The following UNC13C variants were observed in gnomAD, a reference collection of about 807,000 sequenced individuals.
UNC13C encodes the protein protein unc-13 homolog C.
In UNC13C, 174 loss-of-function variants were observed where a neutral mutation model predicts 245.4. That is an observed-to-expected ratio of 0.71 (90% CI 0.63 to 0.80). UNC13C has a LOEUF of 0.80. UNC13C is among the 30% of genes least tolerant of loss of function. The probability of loss-of-function intolerance (pLI) is 0.00; values close to 1 mark genes in which losing one functional copy is unlikely to be tolerated. For missense variants in UNC13C, 2,829 were observed against 2,602.9 expected, an observed-to-expected ratio of 1.09 and a Z score of -1.89; for synonymous variants, 992 against 895.1, an observed-to-expected ratio of 1.11 and a Z score of -1.93.
chr15:54,264,093 C>T (rs2036493153), intron 8 of UNC13C, 75 bp from the exon 9 acceptor site: 1 of 1,435,702 alleles, frequency 7.0e-7, no homozygotes, highest in Admixed American at 2.0e-5. Flanking sequence ...ACTTCCTCCT[C>T]CTTTTCCTCC....
At position 54,217,246 on chromosome 15, in the gene UNC13C, G is replaced by A. The variant is rs2035069695; in HGVS notation, c.3072-17784G>A. On this transcript the variant is annotated intron_variant, in intron 4 of 32. Coordinates refer to ENST00000260323, the MANE Select transcript of UNC13C (RefSeq NM_001080534.3). ...GTCATCTGTGAGACTCTTGTCTGAT[G>A]TGAAATTAAATAACTGGGACTAGGA... Among the ~76,000 whole-genome samples, 3 of 151,910 alleles carry A rather than the reference G, an allele frequency of 2.0e-5. No individual in the cohort carries two copies. In the South Asian group the frequency reaches 6.2e-4, roughly 32 times the overall value.
chr15:54,163,009 C>T (rs1192562955), intron 4 of UNC13C, among the ~76,000 whole-genome samples: 1 of 152,160 alleles, frequency 6.6e-6, no homozygotes, highest in African/African-American at 2.4e-5. Context: ...TTCTGTCTCA[C>T]TCCTTGTGGT....
At chr15:54,480,957 A>G (rs1567313927) in intron 19 of UNC13C, among the ~76,000 whole-genome samples, 1 of 152,198 alleles carries the variant, frequency 6.6e-6, no homozygotes, top group African/African-American at 2.4e-5. Flanking sequence ...TCAGGGATCT[A>G]TAGATGCACT....
intron 19 of UNC13C, among the ~76,000 whole-genome samples, chr15:54,446,567 G>A (rs1312596336): frequency 1.3e-5 from 2 of 152,162 alleles, no homozygotes; most frequent in African/African-American, 2.4e-5. Context: ...TTGTGAATGG[G>A]AGTTCACTCA....
chr15:54,333,468 A>C (rs79883427), intron 15 of UNC13C, among the ~76,000 whole-genome samples: 110 of 152,194 alleles, frequency 7.2e-4, no homozygotes, highest in African/African-American at 2.4e-3. Flanking sequence ...TAGCAAGACT[A>C]TTTTAGAAGC....
In UNC13C at chr15:54,250,347, C is replaced by G. The variant is rs2036112482; in HGVS notation, c.3351C>G (p.Leu1117=). Residue 1117 remains leucine, a synonymous_variant, in exon 8 of 33, where the codon CTC becomes CTG. Coordinates refer to ENST00000260323, the MANE Select transcript of UNC13C (RefSeq NM_001080534.3). ...TPTYCYECEG[L]LWGIARQGMK... ...CCTACTGTTATGAGTGTGAAGGGCT[C>G]CTGTGGGGCATTGCAAGGCAAGGCA... The G allele has an allele frequency of 1.2e-6, 2 of 1,613,706 alleles. No homozygotes were observed. Among genetic ancestry groups the G allele is most frequent in the African/African-American group, 2.7e-5 (2 of 74,870 alleles).
At chr15:54,101,460 T>C (rs970201887) in intron 2 of UNC13C, among the ~76,000 whole-genome samples, 1 of 152,244 alleles carries the variant, frequency 6.6e-6, no homozygotes, top group African/African-American at 2.4e-5. Flanking sequence ...GAAAAGAACC[T>C]AGTTTTTTAC....
chr15:54,343,450 A>T (rs2038785063), intron 17 of UNC13C, among the ~76,000 whole-genome samples: 1 of 152,138 alleles, frequency 6.6e-6, no homozygotes, highest in African/African-American at 2.4e-5. Context: ...TAACTTTATA[A>T]TCAATCTTAC....
chr15:54,150,384 T>C (rs542310696), intron 4 of UNC13C, among the ~76,000 whole-genome samples: 1 of 152,358 alleles, frequency 6.6e-6, no homozygotes, highest in South Asian at 2.1e-4. Flanking sequence ...GTACGCCTAA[T>C]CACAGACTCT....
chr15:53,889,450 G>C, the UNC13C span, among the ~76,000 whole-genome samples: 2 of 152,170 alleles, frequency 1.3e-5, no homozygotes, highest in Admixed American at 1.3e-4. Context: ...AGGAGATTTT[G>C]AGCTGAGACA....
intron 2 of UNC13C, among the ~76,000 whole-genome samples, chr15:54,079,824 T>G: frequency 6.6e-6 from 1 of 152,080 alleles, no homozygotes; most frequent in East Asian, 1.9e-4. Flanking sequence ...TTAATTATTC[T>G]GGCTAGGACT....
At chr15:54,180,333 T>C (rs1223901831) in intron 4 of UNC13C, among the ~76,000 whole-genome samples, 1 of 152,072 alleles carries the variant, frequency 6.6e-6, no homozygotes, top group Non-Finnish European at 1.5e-5. Flanking sequence ...AAGGACATGA[T>C]TTCATTCTTT....
intron 2 of UNC13C, among the ~76,000 whole-genome samples, chr15:54,130,583 C>T (rs1349002744): frequency 1.2e-4 from 18 of 152,064 alleles, no homozygotes; most frequent in Admixed American, 1.2e-3. Context: ...TGAGCCACTG[C>T]GCCCAGCCCA....
At chr15:54,357,604 C>T (rs1380781673) in intron 17 of UNC13C, among the ~76,000 whole-genome samples, 6 of 151,914 alleles carry the variant, frequency 3.9e-5, no homozygotes, top group Admixed American at 6.6e-5. Context: ...TCAGCATATG[C>T]GTATATTAAA....
intron 29 of UNC13C, among the ~76,000 whole-genome samples, chr15:54,559,903 C>G (rs868616092): frequency 6.6e-6 from 1 of 151,856 alleles, no homozygotes; most frequent in Non-Finnish European, 1.5e-5. Flanking sequence ...CAGCATGCTG[C>G]GGCTTAAACA....
chr15:54,509,039 A>C (rs998574207), intron 23 of UNC13C, among the ~76,000 whole-genome samples: 1 of 152,166 alleles, frequency 6.6e-6, no homozygotes, highest in Non-Finnish European at 1.5e-5. Context: ...GTCTCTACTA[A>C]AAATATAAAA....
intron 19 of UNC13C, among the ~76,000 whole-genome samples, chr15:54,419,779 T>C (rs773384759): frequency 5.9e-5 from 9 of 152,252 alleles, no homozygotes; most frequent in Non-Finnish European, 1.2e-4. Flanking sequence ...CTGAGCTTTC[T>C]CACATTTTTT....
intron 2 of UNC13C, among the ~76,000 whole-genome samples, chr15:54,081,151 G>A (rs1898917068): frequency 6.6e-6 from 1 of 151,940 alleles, no homozygotes; most frequent in South Asian, 2.1e-4. Flanking sequence ...TTTAAATTTT[G>A]TTTTGTGGTC....
chr15:54,567,320 G>A (rs1272434726), intron 29 of UNC13C, among the ~76,000 whole-genome samples: 1 of 152,158 alleles, frequency 6.6e-6, no homozygotes, highest in African/African-American at 2.4e-5. Flanking sequence ...ACCACTGTGT[G>A]ATTAGAGGAT....
Sources: gnomAD v4.1 joint callset for allele counts (sites outside exome capture counted in the v4.1 genomes callset) on GRCh38, gnomAD v4.1.1 for gene constraint, MANE v1.5 for transcripts, NCBI Gene and HGNC (gene_info 2026-07-23, HGNC 2026-07-21) for gene names.